EYA4: variants seen among roughly 807,000 people sequenced by gnomAD.
The protein encoded by EYA4 is EYA transcriptional coactivator and phosphatase 4, also known as protein phosphatase EYA4.
In EYA4, 31 loss-of-function variants were observed where a neutral mutation model predicts 87.9. The ratio of observed to expected loss-of-function variants is 0.35; its 90% CI spans 0.27 to 0.48. The LOEUF (loss-of-function observed/expected upper bound fraction) is 0.48, where lower values mean the gene tolerates loss of function less well. Among genes scored for constraint, EYA4 ranks in the 20% least tolerant of loss-of-function variants. EYA4 has a pLI of 0.99. For missense variants in EYA4, 678 were observed against 761.4 expected (o/e 0.89, Z 1.29); for synonymous variants, 263 against 270.6 (o/e 0.97, Z 0.28).
At chr6:133,357,270 CA>C (rs754202361) in intron 2 of EYA4, among the ~76,000 whole-genome samples, 6,881 of 65,360 alleles carry the variant, frequency 0.11, 55 homozygotes, top group Non-Finnish European at 0.13. Flanking sequence ...GACTCCGTCT[CA>C]AAAAAAAAAA....
At chr6:133,490,528 A>G (rs1263467660) in intron 13 of EYA4, among the ~76,000 whole-genome samples, 1 of 152,104 alleles carries the variant, frequency 6.6e-6, no homozygotes, top group Admixed American at 6.5e-5. Flanking sequence ...AAAAAGAGCT[A>G]GAGTAGCTAT....
In EYA4 at chr6:133,514,069, CATA is replaced by C. The variant is rs961100197; in HGVS notation, c.1501+1036_1501+1038del. On this transcript the variant is annotated intron_variant, in intron 16 of 19. Coordinates refer to ENST00000355286, the MANE Select transcript of EYA4 (RefSeq NM_004100.5). ...ACACATAAGAGATGCTCAACAGATA[CATA>C]ATAACTGTAAGAGAACAAAAAATGT... is the stretch of plus-strand genomic sequence containing the variant. Among the ~76,000 whole-genome samples, 280 of 152,152 alleles carry C rather than the reference CATA, an allele frequency of 1.8e-3. 2 individuals are homozygous for C. The highest frequency in any genetic ancestry group is 6.3e-3 in the African/African-American group (263 of 41,504).
chr6:133,346,378 TAGTC>T (rs1487496496), intron 2 of EYA4, among the ~76,000 whole-genome samples: 3 of 152,208 alleles, frequency 2.0e-5, no homozygotes, highest in African/African-American at 7.2e-5. Flanking sequence ...GAAAGACTAG[TAGTC>T]AGACGAAGTC....
At chr6:133,407,884 A>G (rs1788864338) in intron 3 of EYA4, among the ~76,000 whole-genome samples, 1 of 152,218 alleles carries the variant, frequency 6.6e-6, no homozygotes, top group Non-Finnish European at 1.5e-5. Flanking sequence ...GTAGAGTGCC[A>G]GAGAATCAAA....
At chr6:133,367,227 T>A (rs1784918548) in intron 2 of EYA4, among the ~76,000 whole-genome samples, 1 of 152,282 alleles carries the variant, frequency 6.6e-6, no homozygotes, top group Middle Eastern at 3.4e-3. Flanking sequence ...AATCTCAGAC[T>A]TTTTGTGATT....
chr6:133,474,209 G>A (rs759343338), intron 11 of EYA4, among the ~76,000 whole-genome samples: 1 of 151,988 alleles, frequency 6.6e-6, no homozygotes, highest in African/African-American at 2.4e-5. Context: ...TACCAAGAAT[G>A]AAACCCATTT....
At chr6:133,502,495 T>C (rs1562494359) in intron 13 of EYA4, 1 of 152,182 alleles carries the variant, frequency 6.6e-6, no homozygotes, top group Non-Finnish European at 1.5e-5. Context: ...AACAGTGGAA[T>C]TGCAGGTGCT....
chr6:133,277,101 G>A (rs11154720), intron 2 of EYA4, among the ~76,000 whole-genome samples: 16,165 of 152,170 alleles, frequency 0.11, 964 homozygotes, highest in African/African-American at 0.13. Flanking sequence ...AGATGAAAGT[G>A]AATTTACTCA....
chr6:133,368,315 T>G (rs1785007989), intron 2 of EYA4, among the ~76,000 whole-genome samples: 1 of 152,212 alleles, frequency 6.6e-6, no homozygotes, highest in Non-Finnish European at 1.5e-5. Flanking sequence ...GGAAGAAAAT[T>G]ACAATCCACC....
At chr6:133,252,852 G>A (rs1314126401) in intron 1 of EYA4, among the ~76,000 whole-genome samples, 2 of 151,434 alleles carry the variant, frequency 1.3e-5, no homozygotes, top group African/African-American at 2.4e-5. Context: ...ATTGTATTAG[G>A]TAGATAATCA....
intron 13 of EYA4, among the ~76,000 whole-genome samples, chr6:133,503,206 T>C (rs1234991823): frequency 6.6e-6 from 1 of 152,208 alleles, no homozygotes; most frequent in African/African-American, 2.4e-5. Flanking sequence ...TTCCTATCAC[T>C]GTTTGGGTAG....
intron 13 of EYA4, among the ~76,000 whole-genome samples, chr6:133,498,597 G>A (rs1797834720): frequency 6.6e-6 from 1 of 152,076 alleles, no homozygotes; most frequent in Non-Finnish European, 1.5e-5. Context: ...ACTATGCCAG[G>A]GTGACTAGAG....
chr6:133,328,536 C>T (rs796733167), intron 2 of EYA4, among the ~76,000 whole-genome samples: 35 of 152,102 alleles, frequency 2.3e-4, no homozygotes, highest in African/African-American at 7.9e-4. Flanking sequence ...TTTAAATAAC[C>T]TGATTGATTT....
intron 13 of EYA4, among the ~76,000 whole-genome samples, chr6:133,488,467 A>G (rs1330107087): frequency 6.6e-6 from 1 of 152,188 alleles, no homozygotes; most frequent in Non-Finnish European, 1.5e-5. Flanking sequence ...TGCTGGCTAC[A>G]GGTCTGATCC....
chr6:133,429,370 G>T (rs774796565), intron 3 of EYA4, among the ~76,000 whole-genome samples: 8 of 152,186 alleles, frequency 5.3e-5, no homozygotes, highest in Non-Finnish European at 1.2e-4. Flanking sequence ...AGTAAGCTTA[G>T]GAGGGAGAAA....
chr6:133,483,973 C>T (rs1796476712), intron 13 of EYA4, among the ~76,000 whole-genome samples: 1 of 151,974 alleles, frequency 6.6e-6, no homozygotes, highest in African/African-American at 2.4e-5. Context: ...ATCTGCCTGC[C>T]CCTCGGCCTC....
At chr6:133,365,095 C>G (rs1160657887) in intron 2 of EYA4, among the ~76,000 whole-genome samples, 1 of 152,150 alleles carries the variant, frequency 6.6e-6, no homozygotes, top group Non-Finnish European at 1.5e-5. Flanking sequence ...GCAGCCTGGT[C>G]AAAAGATGGA....
At chr6:133,294,558 T>C (rs983669420) in intron 2 of EYA4, among the ~76,000 whole-genome samples, 1 of 151,550 alleles carries the variant, frequency 6.6e-6, no homozygotes, top group African/African-American at 2.4e-5. Context: ...TCGAAATACA[T>C]TTCTTCTTCT....
intron 5 of EYA4, among the ~76,000 whole-genome samples, chr6:133,450,604 A>G (rs1457827414): frequency 6.6e-6 from 1 of 151,896 alleles, no homozygotes; most frequent in Admixed American, 6.6e-5. Context: ...CCCAGGTTCA[A>G]GTGATTCTCC....
Sources: gnomAD v4.1 joint callset for allele counts (sites outside exome capture counted in the v4.1 genomes callset) on GRCh38, gnomAD v4.1.1 for gene constraint, MANE v1.5 for transcripts, NCBI Gene and HGNC (gene_info 2026-07-23, HGNC 2026-07-21) for gene names.